CEP120: variants seen among roughly 807,000 people sequenced by gnomAD.
The protein encoded by CEP120 is centrosomal protein 120, also known as centrosomal protein of 120 kDa.
Under a neutral mutation model 126.5 loss-of-function variants are expected in CEP120, and 113 were observed. The ratio of observed to expected loss-of-function variants is 0.89; its 90% CI spans 0.77 to 1.04. The LOEUF (loss-of-function observed/expected upper bound fraction) is 1.04. Ranked by LOEUF, CEP120 falls within the 50% of genes least tolerant of loss-of-function variation. The pLI is 0.00. For synonymous variants in CEP120, 400 were observed against 394.3 expected (o/e 1.01, Z -0.17); for missense variants, 1,230 against 1,155.7 (o/e 1.06, Z -0.93).
rs10076039 is a variant in CEP120 at position 123,397,663 on chromosome 5, G to C, written c.612+1473C>G. On this transcript the variant is annotated intron_variant, in intron 5 of 19. Transcript: ENST00000306467. ...TATATAGTGGGGATGAATTCAGTGT[G>C]ACAAAGTAAACACATTTCCTGATAA... Among the ~76,000 whole-genome samples, 391 of 152,318 alleles carry C rather than the reference G, an allele frequency of 2.6e-3. 4 individuals carry two copies. The highest frequency in any genetic ancestry group is 8.9e-3 in the African/African-American group (369 of 41,574).
intron 6 of CEP120, 69 bp from the exon 7 acceptor site, chr5:123,391,406 A>G: frequency 8.1e-7 from 1 of 1,227,044 alleles, no homozygotes; most frequent in South Asian, 1.4e-5. Context: ...TCATAAACTT[A>G]ATAAGAAGTT....
At chr5:123,414,320 T>G (rs539292568) in intron 3 of CEP120, among the ~76,000 whole-genome samples, 87 of 152,304 alleles carry the variant, frequency 5.7e-4, no homozygotes, top group Non-Finnish European at 1.1e-3. Context: ...GAATAAGATC[T>G]AGTGGCAGAG....
At chr5:123,415,575 A>G (rs1211020616) in intron 3 of CEP120, among the ~76,000 whole-genome samples, 1 of 152,208 alleles carries the variant, frequency 6.6e-6, no homozygotes, top group Non-Finnish European at 1.5e-5. Flanking sequence ...AAACTAAAAC[A>G]TAAGAACTGC....
chr5:123,386,674 T>A lies in CEP120; in HGVS notation c.1431-7A>T, dbSNP rs63388160. 3,417 of 478,458 alleles carry A rather than the reference T, an allele frequency of 7.1e-3. 102 individuals are homozygous for A. The African/African-American group carries it at 0.11, about 15-fold the overall frequency. 29.6% of individuals were successfully genotyped at this position (478,458 alleles called of 1,614,324 possible). A position where few individuals can be genotyped will look rare whatever the true frequency, so the allele number is the denominator to read the frequency against. Reference sequence around the variant, plus strand: ...AAAGAATGGATATGAGTACCTAGAATTTAAAAAAAAAAAAAAAAAAAAAAG... The same window carrying A: ...AAAGAATGGATATGAGTACCTAGAAATTAAAAAAAAAAAAAAAAAAAAAAG... On this transcript the variant is annotated splice_region_variant and splice_polypyrimidine_tract_variant and intron_variant, in intron 9 of 19. Coordinates refer to ENST00000306467, the MANE Select transcript of CEP120 (RefSeq NM_001375405.1).
intron 18 of CEP120, among the ~76,000 whole-genome samples, chr5:123,360,185 C>T (rs1769972046): frequency 6.6e-6 from 1 of 151,864 alleles, no homozygotes; most frequent in Non-Finnish European, 1.5e-5. Context: ...CATTCAAGCA[C>T]AATAAATGTG....
At chr5:123,415,561 T>G (rs1350854212) in intron 3 of CEP120, among the ~76,000 whole-genome samples, 1 of 152,186 alleles carries the variant, frequency 6.6e-6, no homozygotes. Context: ...TAAATCTAAT[T>G]CATAAACTAA....
intron 18 of CEP120, among the ~76,000 whole-genome samples, chr5:123,354,240 G>C (rs1471867506): frequency 6.6e-6 from 1 of 151,948 alleles, no homozygotes; most frequent in African/African-American, 2.4e-5. Context: ...TTTATTTCTA[G>C]CTAAATATCA....
intron 3 of CEP120, among the ~76,000 whole-genome samples, chr5:123,414,690 G>A (rs953802470): frequency 1.3e-5 from 2 of 152,138 alleles, no homozygotes; most frequent in African/African-American, 2.4e-5. Context: ...GCAGCGGCCG[G>A]GCGCGGTGGC....
chr5:123,353,628 CT>C (rs895234662), intron 18 of CEP120, among the ~76,000 whole-genome samples: 4 of 151,654 alleles, frequency 2.6e-5, no homozygotes, highest in Non-Finnish European at 5.9e-5. Context: ...GGTCTGGAGC[CT>C]TCTTTGTGGG....
chr5:123,358,694 T>TCACACACA (rs34534235), intron 18 of CEP120, among the ~76,000 whole-genome samples: 1 of 150,938 alleles, frequency 6.6e-6, no homozygotes, highest in East Asian at 1.9e-4. Context: ...TTAATAATAA[T>TCACACACA]CACACACACA....
chr5:123,395,739 T>G (rs1349452822), intron 5 of CEP120, among the ~76,000 whole-genome samples: 2 of 150,042 alleles, frequency 1.3e-5, no homozygotes, highest in African/African-American at 2.5e-5. Flanking sequence ...TCGAGTGCAG[T>G]CGCATGATCT....
chr5:123,363,211 C>A (rs1770215067), intron 18 of CEP120, among the ~76,000 whole-genome samples: 1 of 151,574 alleles, frequency 6.6e-6, no homozygotes. Flanking sequence ...TCTTAAGTAT[C>A]TATCTCCAGA....
intron 1 of CEP120, among the ~76,000 whole-genome samples, 172 bp from the exon 2 acceptor site, chr5:123,418,687 C>A (rs946124849): frequency 4.0e-5 from 6 of 151,760 alleles, no homozygotes; most frequent in African/African-American, 1.5e-4. Context: ...ACCTCCGCCT[C>A]CCAGGTTCAC....
chr5:123,393,902 A>G (rs1401977554), intron 5 of CEP120, among the ~76,000 whole-genome samples: 1 of 152,230 alleles, frequency 6.6e-6, no homozygotes, highest in Non-Finnish European at 1.5e-5. Flanking sequence ...GGTTTTAAAG[A>G]AATTTAATCC....
chr5:123,382,354 C>A lies in CEP120; in HGVS notation c.2014-154G>T, dbSNP rs141277105. On this transcript the variant is annotated intron_variant, in intron 13 of 19. Transcript: ENST00000306467. ...AAAAAAAAAAAAAAAAAGGAGGATG[C>A]CTGAGGCAAATAATGCCCATTTGAG... is the stretch of plus-strand genomic sequence containing the variant. 2.5e-3 allele frequency among the ~76,000 whole-genome samples: 369 copies of A among 148,714 alleles called. 4 individuals are homozygous for A. Among genetic ancestry groups the A allele is most frequent in the African/African-American group, 8.7e-3 (351 of 40,536 alleles).
At chr5:123,419,558 A>AC (rs201768976) in intron 1 of CEP120, among the ~76,000 whole-genome samples, 4,227 of 150,616 alleles carry the variant, frequency 0.028, 194 homozygotes, top group African/African-American at 0.096. Flanking sequence ...AAAAACAAAA[A>AC]AAAAAAAACA....
At chr5:123,395,496 C>A (rs1772715379) in intron 5 of CEP120, among the ~76,000 whole-genome samples, 1 of 152,100 alleles carries the variant, frequency 6.6e-6, no homozygotes. Context: ...CAGCAACACC[C>A]TACCATCCAT....
chr5:123,356,131 G>T (rs946046433), intron 18 of CEP120, among the ~76,000 whole-genome samples: 2 of 151,972 alleles, frequency 1.3e-5, no homozygotes, highest in Non-Finnish European at 2.9e-5. Flanking sequence ...TGTTCCATTG[G>T]TCTATATCTC....
At chr5:123,392,125 T>C (rs11241692) in intron 6 of CEP120, among the ~76,000 whole-genome samples, 67,872 of 151,960 alleles carry the variant, frequency 0.45, 15,100 homozygotes, top group East Asian at 0.48. Context: ...GAGAGACCTG[T>C]AACTTAGTCC....
Sources: allele counts gnomAD v4.1 joint callset (sites outside exome capture counted in the v4.1 genomes callset), GRCh38; gene constraint gnomAD v4.1.1; transcripts MANE v1.5; gene names NCBI Gene and HGNC (gene_info 2026-07-23, HGNC 2026-07-21).